RALGDS: variants seen among roughly 807,000 people sequenced by gnomAD.
RALGDS encodes the protein ral guanine nucleotide exchange factor.
A neutral mutation model predicts 99.8 loss-of-function variants in RALGDS; 44 were observed. That is an observed-to-expected ratio of 0.44 (90% CI 0.35 to 0.57). The LOEUF (loss-of-function observed/expected upper bound fraction) is 0.57. Among genes scored for constraint, RALGDS ranks in the 20% least tolerant of loss-of-function variants. The pLI, the probability that RALGDS is intolerant of heterozygous loss-of-function variation, is 0.01. For missense variants in RALGDS, 1,022 were observed against 1,203.1 expected, an observed-to-expected ratio of 0.85 and a Z score of 2.23; for synonymous variants, 529 against 505.0, an observed-to-expected ratio of 1.05 and a Z score of -0.64.
chr9:133,138,255 C>T (rs611983), intron 1 of RALGDS, among the ~76,000 whole-genome samples: 6,262 of 152,278 alleles, frequency 0.041, 178 homozygotes, highest in Non-Finnish European at 0.065. Flanking sequence ...GAAGCGCAAT[C>T]CCTTGGGACT....
chr9:133,132,851 A>C (rs1325296070), upstream of RALGDS, among the ~76,000 whole-genome samples: 1 of 151,912 alleles, frequency 6.6e-6, no homozygotes, highest in East Asian at 1.9e-4. Flanking sequence ...GTTGGCCAGG[A>C]TGGTCTCAAA....
chr9:133,098,702 T>TCAC lies in RALGDS; in HGVS notation c.2629_2630insGTG (p.Tyr876_Asp877insGly). Reference sequence around the variant, plus strand: ...GAAGGTCCGCTTCTTGAGGACAAAGTCATAGTTGGCGGTAGAGTTCATGGC... The same window carrying TCAC: ...GAAGGTCCGCTTCTTGAGGACAAAGTCACCATAGTTGGCGGTAGAGTTCATGGC... On this transcript the variant is annotated inframe_insertion, in exon 18 of 18. Transcript: ENST00000372050. The TCAC allele has an allele frequency of 6.2e-7, 1 of 1,614,044 alleles. No homozygotes were observed. Among genetic ancestry groups the TCAC allele is most frequent in the Non-Finnish European group, 8.5e-7 (1 of 1,179,990 alleles).
chr9:133,106,144 G>T, intron 8 of RALGDS, 128 bp from the exon 9 acceptor site: 1 of 728,362 alleles, frequency 1.4e-6, no homozygotes, highest in Non-Finnish European at 2.4e-6. Flanking sequence ...GTACCCCAGA[G>T]CACTAACGCT....
upstream of RALGDS, among the ~76,000 whole-genome samples, chr9:133,122,453 C>T (rs1274614593): frequency 1.3e-5 from 2 of 152,212 alleles, no homozygotes; most frequent in Non-Finnish European, 2.9e-5. Context: ...CGGGACCAGA[C>T]AGCACATTCC....
chr9:133,108,618 C>A, intron 5 of RALGDS, 55 bp downstream of exon 5: 1 of 1,600,138 alleles, frequency 6.2e-7, no homozygotes, highest in Non-Finnish European at 8.5e-7. Context: ...CTTCGTGTGG[C>A]CCAGCACCGA....
chr9:133,121,120 G>C lies in RALGDS; in HGVS notation c.35C>G (p.Pro12Arg), dbSNP rs1831914426. The C allele has an allele frequency of 2.7e-6, 4 of 1,461,296 alleles. No individual in the cohort carries two copies. Among genetic ancestry groups the C allele is most frequent in the Non-Finnish European group, 3.6e-6 (4 of 1,111,866 alleles). The allele number at this position is 1,461,296 out of a possible 1,614,324, so 90.5% of individuals were successfully genotyped here. A position where few individuals can be genotyped will look rare whatever the true frequency, so the allele number is the denominator to read the frequency against. The change falls in exon 1 of 18, where the codon CCT becomes CGT. Residue 12 changes from proline to arginine, a missense_variant. Pro to Arg is a moderately radical substitution (Grantham distance 103, BLOSUM62 -2). Coordinates refer to ENST00000372050, the MANE Select transcript of RALGDS (RefSeq NM_006266.4). ...AAACAGCGGCTCGGCGCCGCCAGCA[G>C]GCCCGGCCGCCTCGGCCCACATGCG... Reference protein sequence around the residue: ...VQRMWAEAAGPAGGAEPLFPG... With the variant: ...VQRMWAEAAGRAGGAEPLFPG...
intron 2 of RALGDS, among the ~76,000 whole-genome samples, chr9:133,111,616 C>G (rs1001469737): frequency 6.6e-6 from 1 of 152,220 alleles, no homozygotes; most frequent in South Asian, 2.1e-4. Context: ...AGAGGACTCA[C>G]AGTGGCCCCA....
intron 17 of RALGDS, chr9:133,100,066 C>A: frequency 1.5e-6 from 1 of 648,842 alleles, no homozygotes; most frequent in Non-Finnish European, 2.8e-6. Context: ...CCTGTTCACG[C>A]CTAGGGAAGG....
intron 9 of RALGDS, 23 bp downstream of exon 9, chr9:133,105,909 G>GCCCCAGCCCCCA (rs1831029361): frequency 1.1e-6 from 1 of 917,510 alleles, no homozygotes; most frequent in African/African-American, 2.3e-5. Context: ...CCCAGCCCCC[G>GCCCCAGCCCCCA]CCCCAGCCTG....
intron 16 of RALGDS, chr9:133,100,773 G>C: frequency 8.6e-7 from 1 of 1,156,624 alleles, no homozygotes; most frequent in South Asian, 1.9e-5. Context: ...GGCCGGCCAG[G>C]ATGCTCAGTG....
At chr9:133,101,800 T>C in intron 15 of RALGDS, 38 bp from the exon 16 acceptor site, 1 of 1,570,586 alleles carries the variant, frequency 6.4e-7, no homozygotes, top group Admixed American at 1.9e-5. Flanking sequence ...CCCACTGCCC[T>C]GTGGGGGCAC....
chr9:133,118,585 C>T (rs937761815), intron 1 of RALGDS, among the ~76,000 whole-genome samples: 6 of 152,208 alleles, frequency 3.9e-5, no homozygotes, highest in African/African-American at 1.2e-4. Flanking sequence ...CCAAAACCTG[C>T]TGGCTCTTAT....
intron 1 of RALGDS, among the ~76,000 whole-genome samples, chr9:133,138,191 C>T (rs556637291): frequency 6.6e-6 from 1 of 152,310 alleles, no homozygotes; most frequent in African/African-American, 2.4e-5. Flanking sequence ...GGGCTGGTGC[C>T]CGCTGCCCTC....
chr9:133,131,244 A>T, upstream of RALGDS: 3 of 444,582 alleles, frequency 6.7e-6, no homozygotes, highest in Non-Finnish European at 7.7e-6. Context: ...TGCCACCCTC[A>T]GGGTGGAGAC....
intron 1 of RALGDS, among the ~76,000 whole-genome samples, chr9:133,136,771 A>G (rs1444967699): frequency 6.6e-6 from 1 of 151,820 alleles, no homozygotes; most frequent in Non-Finnish European, 1.5e-5. Context: ...ACTCCATCTC[A>G]AAAACAAACA....
intron 10 of RALGDS, 45 bp downstream of exon 10, chr9:133,104,218 C>G: frequency 6.4e-7 from 1 of 1,565,846 alleles, no homozygotes; most frequent in Non-Finnish European, 8.8e-7. Context: ...TCCTCCCTAC[C>G]CCCAGGCCAG....
chr9:133,134,361 G>A (rs754094738), upstream of RALGDS, among the ~76,000 whole-genome samples: 4 of 152,218 alleles, frequency 2.6e-5, no homozygotes, highest in Admixed American at 2.0e-4. Context: ...ACACCCCTTC[G>A]TACCCTAGAG....
chr9:133,141,876 C>T (rs776098022), intron 1 of RALGDS, among the ~76,000 whole-genome samples: 101 of 152,360 alleles, frequency 6.6e-4, no homozygotes, highest in Non-Finnish European at 1.2e-3. Flanking sequence ...GAACCACAGT[C>T]CCCTGTTCCA....
intron 1 of RALGDS, chr9:133,130,851 T>C: frequency 8.4e-7 from 1 of 1,189,548 alleles, no homozygotes; most frequent in Non-Finnish European, 1.2e-6. Context: ...CAGACGCTCC[T>C]TCCATCCTGA....
Sources: allele counts gnomAD v4.1 joint callset (sites outside exome capture counted in the v4.1 genomes callset), GRCh38; gene constraint gnomAD v4.1.1; transcripts MANE v1.5; gene names NCBI Gene and HGNC (gene_info 2026-07-23, HGNC 2026-07-21).